The following SAG variants were observed in gnomAD, a reference collection of about 807,000 sequenced individuals.
SAG encodes the protein S-arrestin.
A neutral mutation model predicts 55.0 loss-of-function variants in SAG; 45 were observed. The observed-to-expected ratio is 0.82, with a 90% CI of 0.64 to 1.05. The LOEUF is 1.05. Ranked by LOEUF, SAG falls within the 50% of genes least tolerant of loss-of-function variation. SAG has a pLI of 0.00. For synonymous variants in SAG, 189 were observed against 197.4 expected, an observed-to-expected ratio of 0.96 and a Z score of 0.36; for missense variants, 455 against 512.1, an observed-to-expected ratio of 0.89 and a Z score of 1.08.
In SAG at chr2:233,312,595, C is replaced by T. The variant is rs554124007; in HGVS notation, c.75+3331C>T. Among the ~76,000 whole-genome samples the T allele has an allele frequency of 3.9e-5, 6 of 152,332 alleles. No homozygotes were observed. The South Asian group carries it at 6.2e-4, about 16-fold the overall frequency. ...TTTCATCCTGCTTAAAACGCTTCAA[C>T]GTCTTCTGAGGTTCTTTAGGGCCAC... is the stretch of plus-strand genomic sequence containing the variant. On this transcript the variant is annotated intron_variant, in intron 2 of 15. Transcript: ENST00000409110.
At chr2:233,313,233 C>T (rs979646713) in intron 2 of SAG, among the ~76,000 whole-genome samples, 12 of 152,098 alleles carry the variant, frequency 7.9e-5, no homozygotes, top group African/African-American at 2.9e-4. Context: ...AGGATTTCCC[C>T]CAGGTGAAAG....
chr2:233,326,604 A>T (rs1700564790), intron 6 of SAG, among the ~76,000 whole-genome samples: 1 of 150,816 alleles, frequency 6.6e-6, no homozygotes, highest in Non-Finnish European at 1.5e-5. Context: ...AAAAAAAAAA[A>T]TCGTGCTGCC....
chr2:233,338,998 C>CAAAAAAAAAA, intron 12 of SAG: 2 of 601,360 alleles, frequency 3.3e-6, no homozygotes, highest in Non-Finnish European at 3.0e-6. Context: ...CGCCACTTTG[C>CAAAAAAAAAA]AAAAATACGT....
chr2:233,312,848 C>A (rs1465327308), intron 2 of SAG, among the ~76,000 whole-genome samples: 1 of 152,230 alleles, frequency 6.6e-6, no homozygotes, highest in Non-Finnish European at 1.5e-5. Flanking sequence ...TCAGTGCCCT[C>A]CCCTCAGGCT....
chr2:233,315,705 T>C (rs1700198789), intron 2 of SAG, among the ~76,000 whole-genome samples: 1 of 146,790 alleles, frequency 6.8e-6, no homozygotes, highest in African/African-American at 2.7e-5. Context: ...TTTCTTTCTT[T>C]CTTTTTTTTT....
chr2:233,337,133 T>G lies in SAG; in HGVS notation c.945-1543T>G, dbSNP rs1418617309. ...AAGTCAATCCCAGCAAAGAGGGGGA[T>G]CTCAAGCTTGTACCCCTTTTTTCCC... On this transcript the variant is annotated intron_variant, in intron 11 of 15. Transcript: ENST00000409110. Among the ~76,000 whole-genome samples, 3 of 151,812 alleles carry G rather than the reference T, an allele frequency of 2.0e-5. No homozygotes were observed. In the East Asian group the frequency reaches 5.8e-4, roughly 29 times the overall value.
intron 4 of SAG, 75 bp from the exon 5 acceptor site, chr2:233,320,555 C>T (rs1273146279): frequency 1.0e-5 from 12 of 1,197,024 alleles, no homozygotes; most frequent in Admixed American, 5.6e-5. Flanking sequence ...AACCCGTGTT[C>T]GCTGCCCATT....
intron 12 of SAG, among the ~76,000 whole-genome samples, chr2:233,339,828 A>G (rs940111823): frequency 6.6e-6 from 1 of 151,060 alleles, no homozygotes; most frequent in African/African-American, 2.4e-5. Flanking sequence ...ATGCCTGGCT[A>G]ATTTTTGTAT....
At chr2:233,311,568 C>T (rs922499160) in intron 2 of SAG, among the ~76,000 whole-genome samples, 1 of 152,154 alleles carries the variant, frequency 6.6e-6, no homozygotes, top group African/African-American at 2.4e-5. Flanking sequence ...CAATAGTTGG[C>T]GGCTTTTATC....
At chr2:233,316,911 C>G (rs891929826) in intron 3 of SAG, among the ~76,000 whole-genome samples, 4 of 151,906 alleles carry the variant, frequency 2.6e-5, no homozygotes, top group Non-Finnish European at 4.4e-5. Context: ...CCATTACTTT[C>G]AATGTAGTGG....
chr2:233,343,815 C>A, intron 14 of SAG: 2 of 963,916 alleles, frequency 2.1e-6, no homozygotes, highest in Non-Finnish European at 2.5e-6. Context: ...TTATTTTTCT[C>A]ATACTTTACA....
At chr2:233,323,056 A>G (rs769999235) in intron 6 of SAG, 51 bp downstream of exon 6, 19 of 1,130,610 alleles carry the variant, frequency 1.7e-5, no homozygotes, top group South Asian at 1.4e-4. Flanking sequence ...CATTCCTTCA[A>G]TAGACTTTTT....
chr2:233,346,420 A>C lies in SAG; in HGVS notation c.1112+8A>C. 6.2e-7 allele frequency: 1 copy of C among 1,613,696 alleles called. No homozygotes were observed. Among genetic ancestry groups the C allele is most frequent in the Non-Finnish European group, 8.5e-7 (1 of 1,179,662 alleles). ...GCTTACAGCTAAGGAAAGGTGAGTG[A>C]GCCTCTTGAATGTGGCCCTGATTTG... On this transcript the variant is annotated splice_region_variant and intron_variant, in intron 15 of 15. Coordinates refer to ENST00000409110, the MANE Select transcript of SAG (RefSeq NM_000541.5).
At chr2:233,338,534 T>C (rs979826464) in intron 11 of SAG, 142 bp from the exon 12 acceptor site, 6 of 714,010 alleles carry the variant, frequency 8.4e-6, no homozygotes, top group South Asian at 6.7e-5. Flanking sequence ...CATGAACTTC[T>C]AGGACTTTGG....
At chr2:233,318,573 T>G (rs1012559918) in intron 3 of SAG, among the ~76,000 whole-genome samples, 178 bp from the exon 4 acceptor site, 2 of 152,220 alleles carry the variant, frequency 1.3e-5, no homozygotes, top group African/African-American at 4.8e-5. Flanking sequence ...ATCTTCACAA[T>G]AGGTATTTTC....
chr2:233,334,666 C>T (rs1700866815), intron 10 of SAG: 2 of 300,988 alleles, frequency 6.6e-6, no homozygotes. Flanking sequence ...AGGCTGTGGT[C>T]TCTGACTCTT....
In SAG at chr2:233,340,966, A is replaced by G. The variant is rs1446806810; in HGVS notation, c.1046+488A>G. Among the ~76,000 whole-genome samples the G allele has an allele frequency of 6.6e-6, 1 of 151,896 alleles. No individual in the cohort carries two copies. Among genetic ancestry groups the G allele is most frequent in the African/African-American group, 2.4e-5 (1 of 41,316 alleles). On this transcript the variant is annotated intron_variant, in intron 13 of 15. Coordinates refer to ENST00000409110, the MANE Select transcript of SAG (RefSeq NM_000541.5). The surrounding 1 kb of genome is among the most constrained non-coding windows in gnomAD (Gnocchi z 4.2). ...GTAGCTGAGATTACAAGCGTGTGCC[A>G]CAACACCTGGCTAATTTTTGTATTT...
At chr2:233,311,109 A>C (rs1322553619) in intron 2 of SAG, among the ~76,000 whole-genome samples, 2 of 152,062 alleles carry the variant, frequency 1.3e-5, no homozygotes, top group African/African-American at 4.8e-5. Flanking sequence ...GTTTTTGTAG[A>C]TAAGTCCTCA....
intron 14 of SAG, chr2:233,343,910 T>C (rs12989896): frequency 3.6e-6 from 1 of 278,220 alleles, no homozygotes; most frequent in African/African-American, 2.3e-5. Flanking sequence ...GTCTCAACAG[T>C]ACTTTGTTTC....
Sources: allele counts gnomAD v4.1 joint callset (sites outside exome capture counted in the v4.1 genomes callset), GRCh38; gene constraint gnomAD v4.1.1; non-coding constraint Gnocchi (gnomAD v3.1); transcripts MANE v1.5; gene names NCBI Gene and HGNC (gene_info 2026-07-23, HGNC 2026-07-21).